The following ADGRL3 variants were observed in gnomAD, a reference collection of about 807,000 sequenced individuals.
The protein encoded by ADGRL3 is calcium-independent alpha-latrotoxin receptor 3.
ADGRL3 carries 62 observed loss-of-function variants against 153.5 expected under a neutral mutation model. The ratio of observed to expected loss-of-function variants is 0.40; its 90% CI spans 0.33 to 0.50. The LOEUF (loss-of-function observed/expected upper bound fraction) is 0.50. Ranked by LOEUF, ADGRL3 falls within the 20% of genes least tolerant of loss-of-function variation. The pLI is 0.47. For synonymous variants in ADGRL3, 710 were observed against 672.5 expected (o/e 1.06, Z -0.86); for missense variants, 1,641 against 1,859.4 (o/e 0.88, Z 2.16).
At chr4:62,057,645 C>T (rs1447720216) in intron 25 of ADGRL3, among the ~76,000 whole-genome samples, 1 of 152,034 alleles carries the variant, frequency 6.6e-6, no homozygotes, top group Non-Finnish European at 1.5e-5. Context: ...TATTGACAAC[C>T]ATGGTAATGA....
chr4:61,356,881 G>C (rs115706434), intron 1 of ADGRL3, among the ~76,000 whole-genome samples: 1,655 of 152,170 alleles, frequency 0.011, 31 homozygotes, highest in African/African-American at 0.038. Flanking sequence ...CAAAACATCA[G>C]GCACTTTTTC....
intron 1 of ADGRL3, among the ~76,000 whole-genome samples, chr4:61,343,323 T>A (rs190411826): frequency 1.9e-4 from 29 of 152,332 alleles, no homozygotes. Flanking sequence ...ATCCTCATAA[T>A]GTCAATATTG....
intron 17 of ADGRL3, among the ~76,000 whole-genome samples, chr4:61,968,276 G>A (rs746650939): frequency 2.0e-5 from 3 of 152,126 alleles, no homozygotes; most frequent in Non-Finnish European, 2.9e-5. Flanking sequence ...CTAAAAATGA[G>A]TCGTTTTTTC....
intron 17 of ADGRL3, among the ~76,000 whole-genome samples, chr4:61,964,491 G>T (rs1020616650): frequency 1.3e-5 from 2 of 152,032 alleles, no homozygotes; most frequent in Non-Finnish European, 2.9e-5. Context: ...TTTGCCTTGG[G>T]TTTAGAAGTG....
intron 5 of ADGRL3, among the ~76,000 whole-genome samples, chr4:61,610,040 C>A (rs936913166): frequency 6.6e-6 from 1 of 150,890 alleles, no homozygotes; most frequent in African/African-American, 2.4e-5. Flanking sequence ...AGTAGGACAC[C>A]CAGAGGGTTC....
At chr4:61,600,726 A>G (rs183910856) in intron 5 of ADGRL3, among the ~76,000 whole-genome samples, 140 of 152,268 alleles carry the variant, frequency 9.2e-4, no homozygotes, top group Non-Finnish European at 1.5e-3. Context: ...CCCGATTTTG[A>G]TAATGTTTAT....
At chr4:62,016,749 A>T (rs563576110) in intron 21 of ADGRL3, among the ~76,000 whole-genome samples, 1 of 152,112 alleles carries the variant, frequency 6.6e-6, no homozygotes, top group Non-Finnish European at 1.5e-5. Context: ...TTTAATTAGA[A>T]TTACATTAAA....
chr4:61,793,008 C>T lies in ADGRL3; in HGVS notation c.1400-20801C>T, dbSNP rs577765484. 3.3e-5 allele frequency among the ~76,000 whole-genome samples: 5 copies of T among 151,486 alleles called. No homozygotes were observed. In the South Asian group the frequency reaches 6.3e-4, roughly 19 times the overall value. ...AAAAAAAAAAAAAGTTGATTGGAAT[C>T]ACAGTTCCATGTGGCTGGGGAGGCC... On this transcript the variant is annotated intron_variant, in intron 8 of 26. Transcript: ENST00000683033.
Position 61,453,062 on chromosome 4 carries a change from G to C in ADGRL3, c.-173-44059G>C, listed in dbSNP as rs554327121. On this transcript the variant is annotated intron_variant, in intron 2 of 26. Transcript: ENST00000683033. ...GGCCCAGTAGTTCAGAAGTATAATA[G>C]AGTAATTGTAAAGGATTCAGTGAAA... 5.3e-5 allele frequency among the ~76,000 whole-genome samples: 8 copies of C among 152,206 alleles called. 1 individual carries two copies. The South Asian group carries it at 1.7e-3, about 32-fold the overall frequency.
intron 2 of ADGRL3, among the ~76,000 whole-genome samples, chr4:61,387,115 G>A (rs1438917932): frequency 6.6e-6 from 1 of 152,096 alleles, no homozygotes. Context: ...GCATCTGGGG[G>A]AGACATCACA....
At chr4:61,799,896 C>A (rs1466423026) in intron 8 of ADGRL3, among the ~76,000 whole-genome samples, 4 of 152,116 alleles carry the variant, frequency 2.6e-5, no homozygotes, top group Admixed American at 2.6e-4. Context: ...ATCCTCACCA[C>A]AATCCTATGA....
chr4:61,520,941 A>G (rs930494621), intron 4 of ADGRL3, among the ~76,000 whole-genome samples: 4 of 152,062 alleles, frequency 2.6e-5, no homozygotes, highest in African/African-American at 9.7e-5. Context: ...CAGAGCACCA[A>G]CAACCAACTG....
rs1013081721 is a variant in ADGRL3, at chr4:61,909,773, G to A, written c.2073+28G>A. 438 of 1,266,450 alleles carry A rather than the reference G, an allele frequency of 3.5e-4. 7 individuals carry two copies. The highest frequency in any genetic ancestry group is 3.9e-4 in the Non-Finnish European group (369 of 935,612). The allele number at this position is 1,266,450 out of a possible 1,614,324, so 78.5% of individuals were successfully genotyped here. A position where few individuals can be genotyped will look rare whatever the true frequency, so the allele number is the denominator to read the frequency against. ...AAGGACCCTAATTATGTGTGTGTGT[G>A]TGTGTGTGTGTGTGTGTGTGTGTGT... On this transcript the variant is annotated intron_variant, in intron 12 of 26. Transcript: ENST00000683033.
intron 1 of ADGRL3, among the ~76,000 whole-genome samples, chr4:61,215,287 T>C (rs1742119685): frequency 6.6e-6 from 1 of 152,190 alleles, no homozygotes; most frequent in South Asian, 2.1e-4. Flanking sequence ...TATAACTGCA[T>C]GAATGTGCTT....
At chr4:61,773,564 T>C (rs2097110334) in intron 8 of ADGRL3, among the ~76,000 whole-genome samples, 1 of 152,220 alleles carries the variant, frequency 6.6e-6, no homozygotes, top group Admixed American at 6.5e-5. Flanking sequence ...CCTATAAGAA[T>C]AACTGCCATG....
chr4:61,448,500 A>C (rs2097616774), intron 2 of ADGRL3, among the ~76,000 whole-genome samples: 1 of 152,090 alleles, frequency 6.6e-6, no homozygotes, highest in South Asian at 2.1e-4. Flanking sequence ...ATGGAATAAG[A>C]ATAATAAAAA....
chr4:61,486,240 G>T (rs763829669), intron 2 of ADGRL3, among the ~76,000 whole-genome samples: 1 of 151,974 alleles, frequency 6.6e-6, no homozygotes, highest in Admixed American at 6.6e-5. Flanking sequence ...CACCATACCC[G>T]GCTATGGAAT....
intron 21 of ADGRL3, among the ~76,000 whole-genome samples, chr4:62,011,266 C>A (rs555722395): frequency 6.6e-6 from 1 of 151,910 alleles, no homozygotes; most frequent in African/African-American, 2.4e-5. Context: ...TGAGAGCTTT[C>A]GGAAATGGAG....
At chr4:61,764,222 G>T (rs2096946783) in intron 8 of ADGRL3, among the ~76,000 whole-genome samples, 1 of 152,140 alleles carries the variant, frequency 6.6e-6, no homozygotes, top group African/African-American at 2.4e-5. Flanking sequence ...AAGTTTTCAT[G>T]TGCGTCCGTG....
Sources: gnomAD v4.1 joint callset for allele counts (sites outside exome capture counted in the v4.1 genomes callset) on GRCh38, gnomAD v4.1.1 for gene constraint, MANE v1.5 for transcripts, NCBI Gene and HGNC (gene_info 2026-07-23, HGNC 2026-07-21) for gene names.